FMN1: variants seen among roughly 807,000 people sequenced by gnomAD.
The protein encoded by FMN1 is formin-1.
Under a neutral mutation model 132.4 loss-of-function variants are expected in FMN1, and 110 were observed. The observed-to-expected ratio is 0.83, with a 90% CI of 0.71 to 0.97. The LOEUF is 0.97. FMN1 is among the 50% of genes least tolerant of loss of function. The pLI is 0.00. For missense variants in FMN1, 1,792 were observed against 1,705.3 expected (o/e 1.05, Z -0.90); for synonymous variants, 722 against 651.7 (o/e 1.11, Z -1.64).
intron 16 of FMN1, among the ~76,000 whole-genome samples, chr15:32,868,742 C>T (rs908882422): frequency 1.3e-5 from 2 of 152,046 alleles, no homozygotes; most frequent in Non-Finnish European, 2.9e-5. Flanking sequence ...ATACGAGATA[C>T]ACATTTTTTT....
In FMN1 at chr15:33,112,294, C is replaced by T. The variant is rs201992092; in HGVS notation, c.1868-23320G>A. Among the ~76,000 whole-genome samples, 1,343 of 152,042 alleles carry T rather than the reference C, an allele frequency of 8.8e-3. 19 individuals are homozygous for T. The highest frequency in any genetic ancestry group is 0.031 in the African/African-American group (1,285 of 41,494). On this transcript the variant is annotated intron_variant, in intron 4 of 20. Coordinates refer to ENST00000616417, the MANE Select transcript of FMN1 (RefSeq NM_001277313.2). ...TAATGTTAGGTGGCAGTGCATAAAA[C>T]AAAATATTTTTATATAATTTTGTTT...
At chr15:32,844,464 A>G (rs113344793) in intron 17 of FMN1, among the ~76,000 whole-genome samples, 1,872 of 152,292 alleles carry the variant, frequency 0.012, 31 homozygotes, top group African/African-American at 0.042. Context: ...AATATGTAAA[A>G]TATTTTAATT....
intron 7 of FMN1, among the ~76,000 whole-genome samples, chr15:32,996,726 G>A (rs547204009): frequency 1.1e-4 from 17 of 151,610 alleles, no homozygotes; most frequent in South Asian, 6.2e-4. Context: ...AATGTTACGC[G>A]CGTATACACA....
At chr15:32,997,712 C>G (rs2033857217) in intron 7 of FMN1, among the ~76,000 whole-genome samples, 1 of 152,144 alleles carries the variant, frequency 6.6e-6, no homozygotes, top group South Asian at 2.1e-4. Context: ...CTTACCATGC[C>G]TTCCTGAAAA....
intron 3 of FMN1, among the ~76,000 whole-genome samples, chr15:33,170,283 A>C (rs1315974019): frequency 6.6e-6 from 1 of 152,184 alleles, no homozygotes; most frequent in Non-Finnish European, 1.5e-5. Flanking sequence ...AGATGGATTA[A>C]AGAATTAAAC....
intron 16 of FMN1, among the ~76,000 whole-genome samples, chr15:32,876,201 CTGT>C (rs1473100335): frequency 1.3e-5 from 2 of 152,146 alleles, no homozygotes; most frequent in Non-Finnish European, 2.9e-5. Context: ...GTTTCTAAAC[CTGT>C]TTATTCCTGT....
chr15:33,081,229 C>T (rs561323411), intron 5 of FMN1, among the ~76,000 whole-genome samples: 19 of 152,166 alleles, frequency 1.2e-4, no homozygotes, highest in Non-Finnish European at 1.0e-4. Flanking sequence ...TCTACCATAC[C>T]CCCACCTTGC....
intron 6 of FMN1, among the ~76,000 whole-genome samples, chr15:33,017,942 G>A (rs1168773279): frequency 2.0e-5 from 3 of 152,054 alleles, no homozygotes; most frequent in African/African-American, 4.8e-5. Context: ...GCTCGCACCT[G>A]TAATCCCAGC....
At chr15:32,931,926 C>G (rs1248620240) in intron 9 of FMN1, among the ~76,000 whole-genome samples, 1 of 152,054 alleles carries the variant, frequency 6.6e-6, no homozygotes, top group Admixed American at 6.6e-5. Context: ...GAGTTTTTAT[C>G]AGAAAACAGT....
chr15:33,057,977 A>G (rs909102447), intron 6 of FMN1, among the ~76,000 whole-genome samples: 3 of 152,166 alleles, frequency 2.0e-5, no homozygotes, highest in Non-Finnish European at 4.4e-5. Context: ...CTGCAAGTGA[A>G]AAGTATGATG....
chr15:33,001,181 G>A (rs897423954), intron 7 of FMN1, among the ~76,000 whole-genome samples: 3 of 152,136 alleles, frequency 2.0e-5, no homozygotes, highest in South Asian at 2.1e-4. Context: ...TACTCAAGAG[G>A]CTGAGGCAAG....
intron 4 of FMN1, chr15:33,150,557 A>G (rs1964401576): frequency 1.0e-6 from 1 of 985,442 alleles, no homozygotes; most frequent in Non-Finnish European, 1.2e-6. Flanking sequence ...TGACATCCTT[A>G]TGCTACATCC....
In FMN1 at chr15:32,969,410, T is replaced by A. The variant is rs1462788906; in HGVS notation, c.2291A>T (p.Glu764Val). Residue 764 changes from glutamate (E) to valine (V), a missense_variant, in exon 8 of 21, where the codon GAA (glutamate) becomes GTA (valine). By Grantham distance (121) the Glu-to-Val change is moderately radical. Transcript: ENST00000616417. Reference protein sequence around the residue: ...EHAMITARLEETIENLKHELE... With the variant: ...EHAMITARLEVTIENLKHELE... ...CTCGTGTTTCAGATTTTCAATGGTT[T>A]CTTCTAGTCTCGCTGTTATCATTGC... 4 of 1,614,032 alleles carry A rather than the reference T, an allele frequency of 2.5e-6. No homozygotes were observed. The Admixed American group carries it at 6.7e-5, about 27-fold the overall frequency.
intron 6 of FMN1, among the ~76,000 whole-genome samples, chr15:33,040,177 T>G (rs547780775): frequency 7.0e-4 from 106 of 152,368 alleles, no homozygotes; most frequent in African/African-American, 2.4e-3. Flanking sequence ...CTCTGCATGT[T>G]TGCTCTACCC....
intron 10 of FMN1, among the ~76,000 whole-genome samples, chr15:32,921,642 A>G (rs187974867): frequency 1.3e-5 from 2 of 149,086 alleles, no homozygotes; most frequent in East Asian, 2.0e-4. Context: ...CCACATTCAT[A>G]TATACAATCT....
intron 16 of FMN1, among the ~76,000 whole-genome samples, chr15:32,873,308 T>TAGG (rs1555481309): frequency 6.6e-6 from 1 of 152,154 alleles, no homozygotes; most frequent in Non-Finnish European, 1.5e-5. Context: ...TGTTTGAAAA[T>TAGG]AGAGTTGAAT....
At chr15:33,097,911 C>G (rs188396847) in intron 4 of FMN1, among the ~76,000 whole-genome samples, 75 of 152,296 alleles carry the variant, frequency 4.9e-4, no homozygotes, top group African/African-American at 1.7e-3. Flanking sequence ...TTTTACCTCA[C>G]ATTTATAACA....
At chr15:33,185,460 C>T (rs530233716) in intron 2 of FMN1, among the ~76,000 whole-genome samples, 4 of 151,486 alleles carry the variant, frequency 2.6e-5, no homozygotes, top group Admixed American at 6.6e-5. Flanking sequence ...TTTTAATTAC[C>T]GTTAATTCCA....
At chr15:33,100,159 G>A (rs1206547220) in intron 4 of FMN1, among the ~76,000 whole-genome samples, 1 of 141,834 alleles carries the variant, frequency 7.1e-6, no homozygotes, top group Non-Finnish European at 1.5e-5. Flanking sequence ...AGTGCCTAAC[G>A]AAATGAATCT....
Sources: gnomAD v4.1 joint callset for allele counts (sites outside exome capture counted in the v4.1 genomes callset) on GRCh38, gnomAD v4.1.1 for gene constraint, MANE v1.5 for transcripts, NCBI Gene and HGNC (gene_info 2026-07-23, HGNC 2026-07-21) for gene names.